ZFYVE16: variants seen among roughly 807,000 people sequenced by gnomAD.
The protein encoded by ZFYVE16 is zinc finger FYVE-type containing 16.
A neutral mutation model predicts 138.1 loss-of-function variants in ZFYVE16; 89 were observed. The ratio of observed to expected loss-of-function variants is 0.64; its 90% confidence interval spans 0.54 to 0.77. The LOEUF is 0.77. Among genes scored for constraint, ZFYVE16 ranks in the 30% least tolerant of loss-of-function variants. The pLI is 0.00. For synonymous variants in ZFYVE16, 596 were observed against 618.3 expected, an observed-to-expected ratio of 0.96 and a Z score of 0.53; for missense variants, 1,793 against 1,786.7, an observed-to-expected ratio of 1.00 and a Z score of -0.06.
At position 80,437,813 on chromosome 5, in the gene ZFYVE16, C is replaced by A. The variant is rs758402786; in HGVS notation, c.1128C>A (p.Ser376=). The change falls in exon 4 of 19, where the codon TCC becomes TCA. Residue 376 remains serine (S), a synonymous_variant. Transcript: ENST00000505560. The part of the protein sequence containing the change: ...VSSKDVPSSL[S]CLPASGSMCG... Reference sequence around the variant, plus strand: ...GTAAAGATGTGCCGTCCTCATTGTCCTGTCTTCCTGCGTCTGGGTCTATGT... The same window carrying A: ...GTAAAGATGTGCCGTCCTCATTGTCATGTCTTCCTGCGTCTGGGTCTATGT... 1 of 1,614,030 alleles carries A rather than the reference C, an allele frequency of 6.2e-7. No homozygotes were observed. Among genetic ancestry groups the A allele is most frequent in the Non-Finnish European group, 8.5e-7 (1 of 1,179,958 alleles).
At position 80,465,400 on chromosome 5, in the gene ZFYVE16, GTTTTTTTTT is replaced by G. The variant is rs3072097; in HGVS notation, c.4024+5922_4024+5930del. Reference sequence around the variant, plus strand: ...GGTTTCTTTTTTTTTCCTTTTCTTTGTTTTTTTTTTTTTTTTTTTTTTTTGAGACAGGAT... The same window carrying G: ...GGTTTCTTTTTTTTTCCTTTTCTTTGTTTTTTTTTTTTTTTGAGACAGGAT... On this transcript the variant is annotated intron_variant, in intron 15 of 18. Transcript: ENST00000505560. 6.3e-4 allele frequency among the ~76,000 whole-genome samples: 17 copies of G among 26,778 alleles called. 1 individual carries two copies. The highest frequency in any genetic ancestry group is 4.9e-3 in the East Asian group (3 of 618). The allele number at this position is 26,778 out of a possible 152,430, so 17.6% of individuals were successfully genotyped here. A position where few individuals can be genotyped will look rare whatever the true frequency, so the allele number is the denominator to read the frequency against.
At chr5:80,472,107 T>C (rs1028805120) in intron 15 of ZFYVE16, among the ~76,000 whole-genome samples, 2 of 152,050 alleles carry the variant, frequency 1.3e-5, no homozygotes, top group Non-Finnish European at 2.9e-5. Context: ...TCATCTAGTC[T>C]CACTCTGTTA....
rs1257240031 is a variant in ZFYVE16 at position 80,437,680 on chromosome 5, A to G, written c.995A>G (p.Gln332Arg). The G allele has an allele frequency of 1.2e-6, 2 of 1,612,544 alleles. No individual in the cohort carries two copies. The highest frequency in any genetic ancestry group is 1.7e-6 in the Non-Finnish European group (2 of 1,179,504). Residue 332 changes from glutamine (Q) to arginine (R), a missense_variant, in exon 4 of 19, where the codon CAG becomes CGG. By Grantham distance (43) the Gln-to-Arg change is conservative. Coordinates refer to ENST00000505560, the MANE Select transcript of ZFYVE16 (RefSeq NM_001284236.3). Reference protein sequence around the residue: ...ENFKLPDFSFQEDKTVIKQSA... With the variant: ...ENFKLPDFSFREDKTVIKQSA... ...TTCAAATTACCTGACTTTTCCTTTC[A>G]GGAAGATAAGACTGTTATAAAACAA...
At chr5:80,474,636 CTT>C (rs1343269579) in intron 17 of ZFYVE16, 25 bp from the exon 18 acceptor site, 1 of 1,575,406 alleles carries the variant, frequency 6.3e-7, no homozygotes, top group African/African-American at 1.4e-5. Context: ...TTAATCATGA[CTT>C]GTTTCCTAAT....
intron 15 of ZFYVE16, among the ~76,000 whole-genome samples, chr5:80,465,391 C>CTTTTTTTTTTTTTTTTTTTTT (rs1561325159): frequency 2.9e-5 from 1 of 33,932 alleles, no homozygotes; most frequent in Non-Finnish European, 9.8e-5. Context: ...TTTTTTTTTC[C>CTTTTTTTTTTTTTTTTTTTTT]TTTTCTTTGT....
intron 4 of ZFYVE16, 79 bp downstream of exon 4, chr5:80,439,086 G>C (rs139138205): frequency 7.4e-7 from 1 of 1,351,264 alleles, no homozygotes; most frequent in South Asian, 1.5e-5. Context: ...AAAGGCTGAT[G>C]AACAGATAAT....
intron 12 of ZFYVE16, 199 bp from the exon 13 acceptor site, chr5:80,456,262 T>C (rs1378665888): frequency 2.3e-6 from 1 of 427,268 alleles, no homozygotes; most frequent in Non-Finnish European, 4.2e-6. Flanking sequence ...GACTCACTTT[T>C]ATTTATCCAT....
Position 80,472,756 on chromosome 5 carries a change from T to G in ZFYVE16, c.4025-5T>G, listed in dbSNP as rs1754510058. 8 of 1,610,570 alleles carry G rather than the reference T, an allele frequency of 5.0e-6. No individual in the cohort carries two copies. Among genetic ancestry groups the G allele is most frequent in the Non-Finnish European group, 6.8e-6 (8 of 1,178,716 alleles). Reference sequence around the variant, plus strand: ...AAGAAATGTGAAACTTAGTCTCATTTCTAGATGGCTTAATGGTACAAATAA... The same window carrying G: ...AAGAAATGTGAAACTTAGTCTCATTGCTAGATGGCTTAATGGTACAAATAA... On this transcript the variant is annotated splice_region_variant and splice_polypyrimidine_tract_variant and intron_variant, in intron 15 of 18. Coordinates refer to ENST00000505560, the MANE Select transcript of ZFYVE16 (RefSeq NM_001284236.3).
chr5:80,432,021 A>G (rs1749110364), intron 2 of ZFYVE16, among the ~76,000 whole-genome samples: 1 of 152,236 alleles, frequency 6.6e-6, no homozygotes, highest in African/African-American at 2.4e-5. Flanking sequence ...AAGGTAATTT[A>G]TAGATTCAGT....
At position 80,436,934 on chromosome 5, in the gene ZFYVE16, A is replaced by C; in HGVS notation, c.249A>C (p.Lys83Asn). 1 of 1,614,130 alleles carries C rather than the reference A, an allele frequency of 6.2e-7. No individual in the cohort carries two copies. Among genetic ancestry groups the C allele is most frequent in the Non-Finnish European group, 8.5e-7 (1 of 1,180,010 alleles). ...CAAATGAGAGTTCCCTGAATGAAAAAACACTCAAGGGACTTACTTCTATAC... is the reference window on the plus strand; with the variant it reads ...CAAATGAGAGTTCCCTGAATGAAAACACACTCAAGGGACTTACTTCTATAC... ...YGTNESSLNEKTLKGLTSIQN... is the reference protein window; with the variant it reads ...YGTNESSLNENTLKGLTSIQN... Residue 83 changes from lysine to asparagine, a missense_variant, in exon 4 of 19, where the codon AAA (lysine) becomes AAC (asparagine). Lys to Asn is a moderately conservative substitution (Grantham distance 94). Transcript: ENST00000505560.
rs1307112972 is a variant in ZFYVE16 at position 80,440,705 on chromosome 5, GTGT to G, written c.2419+675_2419+677del. On this transcript the variant is annotated intron_variant, in intron 5 of 18. Coordinates refer to ENST00000505560, the MANE Select transcript of ZFYVE16 (RefSeq NM_001284236.3). Reference sequence around the variant, plus strand: ...GTGTGTGTGTGTGTGTGTGTGTGTGGTGTTTTTTTCCCCAAGTCCATGTTTATT... The same window carrying G: ...GTGTGTGTGTGTGTGTGTGTGTGTGGTTTTTTCCCCAAGTCCATGTTTATT... 4 of 565,626 alleles carry G rather than the reference GTGT, an allele frequency of 7.1e-6. No individual in the cohort carries two copies. The African/African-American group carries it at 1.1e-4, about 15-fold the overall frequency. 35.0% of individuals were successfully genotyped at this position (565,626 alleles called of 1,614,324 possible).
chr5:80,473,646 A>C (rs1027938552), intron 16 of ZFYVE16, 108 bp from the exon 17 acceptor site: 1 of 676,066 alleles, frequency 1.5e-6, no homozygotes, highest in Admixed American at 3.4e-5. Flanking sequence ...TATAATTGAC[A>C]TATCTTCTTT....
At chr5:80,410,908 A>G (rs1051234549) in intron 1 of ZFYVE16, among the ~76,000 whole-genome samples, 2 of 151,830 alleles carry the variant, frequency 1.3e-5, no homozygotes, top group African/African-American at 4.8e-5. Flanking sequence ...GAAAACAACA[A>G]AATTATGTTT....
At chr5:80,432,865 A>G (rs570795342) in intron 2 of ZFYVE16, among the ~76,000 whole-genome samples, 14 of 152,378 alleles carry the variant, frequency 9.2e-5, no homozygotes, top group South Asian at 2.1e-4. Context: ...TGGCCATCAG[A>G]GAAATGCAGA....
At position 80,438,677 on chromosome 5, in the gene ZFYVE16, C is replaced by A. The variant is rs1458412160; in HGVS notation, c.1992C>A (p.Asp664Glu). 1.9e-6 allele frequency: 3 copies of A among 1,613,972 alleles called. No individual in the cohort carries two copies. Among genetic ancestry groups the A allele is most frequent in the Non-Finnish European group, 2.5e-6 (3 of 1,180,006 alleles). Residue 664 changes from aspartate to glutamate, a missense_variant, in exon 4 of 19, where the codon GAC (aspartate) becomes GAA (glutamate). Around this residue, in one of 2 missense-constraint regions of ZFYVE16, gnomAD observed 1,295 missense variants for 1,204.3 expected, o/e 1.08. Coordinates refer to ENST00000505560, the MANE Select transcript of ZFYVE16 (RefSeq NM_001284236.3). The stretch of plus-strand genomic sequence containing the variant: ...CATCAAGAACAAGGAGTTCAAAGGA[C>A]CTGAATAAGCCAGATGTTCCAGATA... ...SLPSRTRSSK[D>E]LNKPDVPDTI...
At chr5:80,410,778 C>T (rs1369066538) in intron 1 of ZFYVE16, among the ~76,000 whole-genome samples, 11 of 151,582 alleles carry the variant, frequency 7.3e-5, no homozygotes, top group Admixed American at 7.2e-4. Flanking sequence ...CCATGTTGGC[C>T]AGGATGGTCT....
In ZFYVE16 at chr5:80,439,152, T is replaced by C. The variant is rs186835676; in HGVS notation, c.2322+145T>C. ...TTTTCATCTACCAGTCAGGGAAATA[T>C]ATAAAGCAGTGTCATTTTGCAGATT... On this transcript the variant is annotated intron_variant, in intron 4 of 18. Transcript: ENST00000505560. 42 of 883,810 alleles carry C rather than the reference T, an allele frequency of 4.8e-5. No homozygotes were observed. In the African/African-American group the frequency reaches 5.4e-4, roughly 11 times the overall value. The allele number at this position is 883,810 out of a possible 1,614,324, so 54.7% of individuals were successfully genotyped here. A position where few individuals can be genotyped will look rare whatever the true frequency, so the allele number is the denominator to read the frequency against.
At chr5:80,465,412 T>TTTTTTTG (rs1753630573) in intron 15 of ZFYVE16, among the ~76,000 whole-genome samples, 1 of 119,694 alleles carries the variant, frequency 8.4e-6, no homozygotes, top group African/African-American at 2.8e-5. Context: ...TTTTTTTTTT[T>TTTTTTTG]TTTTTTTTTT....
In ZFYVE16 at chr5:80,474,797, A is replaced by T. The variant is rs1754729576; in HGVS notation, c.4428A>T (p.Lys1476Asn). ...CTCTAAAAAGTAATGGGATGAATAA[A>T]ATTGGACTCAGAGTTTCCATTGACA... ...LKTLKSNGMNKIGLRVSIDTD... is the reference protein window; with the variant it reads ...LKTLKSNGMNNIGLRVSIDTD... Residue 1476 changes from lysine to asparagine, a missense_variant, in exon 18 of 19, where the codon AAA (lysine) becomes AAT (asparagine). Around this residue, in one of 2 missense-constraint regions of ZFYVE16, gnomAD observed 498 missense variants for 582.4 expected, o/e 0.86. Transcript: ENST00000505560. 6.8e-6 allele frequency: 11 copies of T among 1,613,240 alleles called. No homozygotes were observed. The highest frequency in any genetic ancestry group is 8.5e-6 in the Non-Finnish European group (10 of 1,179,526).
Sources: gnomAD v4.1 joint callset for allele counts (sites outside exome capture counted in the v4.1 genomes callset) on GRCh38, gnomAD v4.1.1 for gene constraint, gnomAD v4.1.1 regional missense constraint, MANE v1.5 for transcripts, NCBI Gene and HGNC (gene_info 2026-07-23, HGNC 2026-07-21) for gene names.